RNF26: variants seen among roughly 807,000 people sequenced by gnomAD.
RNF26 encodes ring finger protein 26.
RNF26 carries 8 observed loss-of-function variants against 25.4 expected under a neutral mutation model. That is an observed-to-expected ratio of 0.31 (90% CI 0.18 to 0.57). The LOEUF is 0.57. Ranked by LOEUF, RNF26 falls within the 20% of genes least tolerant of loss-of-function variation. RNF26 has a pLI of 0.90. For synonymous variants in RNF26, 262 were observed against 246.7 expected (o/e 1.06, Z -0.58); for missense variants, 470 against 552.0 (o/e 0.85, Z 1.49).
chr11:119,336,028 C>T lies in RNF26; in HGVS notation c.906C>T (p.Asn302=), dbSNP rs771972535. Residue 302 remains asparagine (N), a synonymous_variant, in exon 1 of 1, where the codon AAC becomes AAT. Coordinates refer to ENST00000311413, the MANE Select transcript of RNF26 (RefSeq NM_032015.5). ...GTCTGCAGCTGGCGAGTTGGCCAAA[C>T]CGGGGAGGGGCACCTGGAGCTCCCC... is the stretch of plus-strand genomic sequence containing the variant. ...SRSLQLASWP[N]RGGAPGAPQG... 1.2e-5 allele frequency: 19 copies of T among 1,613,546 alleles called. No homozygotes were observed. Among genetic ancestry groups the T allele is most frequent in the Non-Finnish European group, 1.5e-5 (18 of 1,180,006 alleles).
Position 119,336,415 on chromosome 11 carries a change from C to T in RNF26, c.1293C>T (p.Val431=). The T allele has an allele frequency of 5.0e-6, 8 of 1,609,062 alleles. No homozygotes were observed. Among genetic ancestry groups the T allele is most frequent in the Non-Finnish European group, 6.8e-6 (8 of 1,178,496 alleles). ...CRRGILQTLN[V]YL ...GGGGCATCCTGCAGACCCTCAATGTCTACCTCTGAAGCCTCCTTCCCTGCC... is the reference window on the plus strand; with the variant it reads ...GGGGCATCCTGCAGACCCTCAATGTTTACCTCTGAAGCCTCCTTCCCTGCC... Residue 431 remains valine (V), a synonymous_variant, in exon 1 of 1, where the codon GTC becomes GTT. Coordinates refer to ENST00000311413, the MANE Select transcript of RNF26 (RefSeq NM_032015.5).
At position 119,336,613 on chromosome 11, in the gene RNF26, T is replaced by C; in HGVS notation, c.*189T>C. ...GGGGCAGGATAACATGGCTTCTCTT[T>C]ACCCAGTGGGTCCCTTCGATGCTGA... On this transcript the variant is annotated 3_prime_UTR_variant, in exon 1 of 1. Coordinates refer to ENST00000311413, the MANE Select transcript of RNF26 (RefSeq NM_032015.5). The C allele has an allele frequency of 1.6e-6, 1 of 619,236 alleles. No individual in the cohort carries two copies. Among genetic ancestry groups the C allele is most frequent in the South Asian group, 2.0e-5 (1 of 50,092 alleles). The allele number at this position is 619,236 out of a possible 1,614,324, so 38.4% of individuals were successfully genotyped here.
Position 119,336,866 on chromosome 11 carries a change from C to T in RNF26, c.*442C>T, listed in dbSNP as rs903184637. The T allele has an allele frequency of 2.5e-5, 5 of 198,562 alleles. No individual in the cohort carries two copies. The highest frequency in any genetic ancestry group is 7.1e-5 in the African/African-American group (3 of 42,550). The allele number at this position is 198,562 out of a possible 1,614,324, so 12.3% of individuals were successfully genotyped here. A position where few individuals can be genotyped will look rare whatever the true frequency, so the allele number is the denominator to read the frequency against. ...GGTGTTTTGGCAACTCAGGGGCCTT[C>T]GGATGATCTTAAACCTTTGTGTTCA... On this transcript the variant is annotated 3_prime_UTR_variant, in exon 1 of 1. Coordinates refer to ENST00000311413, the MANE Select transcript of RNF26 (RefSeq NM_032015.5).
chr11:119,336,042 C>A lies in RNF26; in HGVS notation c.920C>A (p.Pro307His), dbSNP rs758034366. 29 of 1,613,852 alleles carry A rather than the reference C, an allele frequency of 1.8e-5. No individual in the cohort carries two copies. The highest frequency in any genetic ancestry group is 2.3e-5 in the Non-Finnish European group (27 of 1,180,018). Residue 307 changes from proline to histidine, a missense_variant, in exon 1 of 1, where the codon CCT becomes CAT. Transcript: ENST00000311413. ...AGTTGGCCAAACCGGGGAGGGGCAC[C>A]TGGAGCTCCCCAGGGTGACCCTATG... ...LASWPNRGGA[P>H]GAPQGDPMRV...
In RNF26 at chr11:119,336,088, C is replaced by T; in HGVS notation, c.966C>T (p.Thr322=). 1 of 1,614,072 alleles carries T rather than the reference C, an allele frequency of 6.2e-7. No individual in the cohort carries two copies. Among genetic ancestry groups the T allele is most frequent in the Non-Finnish European group, 8.5e-7 (1 of 1,180,024 alleles). The change falls in exon 1 of 1, where the codon ACC becomes ACT. Residue 322 remains threonine, a synonymous_variant. Coordinates refer to ENST00000311413, the MANE Select transcript of RNF26 (RefSeq NM_032015.5). ...CTATGAGGGTATTCTCAGTTAGGAC[C>T]CGGAGACAGGACACTCTTCCTGAAG... ...GDPMRVFSVR[T]RRQDTLPEAG... is the part of the protein sequence containing the mutation.
At position 119,335,850 on chromosome 11, in the gene RNF26, CTG is replaced by C; in HGVS notation, c.732_733del (p.Leu245AlafsTer68). ...GCTTGTGTGCTGGCAGTGACGGTGA[CTG>C]TGTTGCATCCGGACTTCACCCTGAG... On this transcript the variant is annotated frameshift_variant, in exon 1 of 1. Transcript: ENST00000311413. LOFTEE classifies it high-confidence loss of function. 2 of 1,610,668 alleles carry C rather than the reference CTG, an allele frequency of 1.2e-6. No homozygotes were observed. The highest frequency in any genetic ancestry group is 1.1e-5 in the South Asian group (1 of 91,088).
Position 119,335,565 on chromosome 11 carries a change from T to C in RNF26, c.443T>C (p.Ile148Thr). Residue 148 changes from isoleucine (I) to threonine (T), a missense_variant, in exon 1 of 1, where the codon ATC (isoleucine) becomes ACC (threonine). Ile to Thr is a moderately conservative substitution (Grantham distance 89). Coordinates refer to ENST00000311413, the MANE Select transcript of RNF26 (RefSeq NM_032015.5). Reference sequence around the variant, plus strand: ...GCCATGAGCCTGGTGGCTTATGTGATCAACAGCCTGGTCAACATCTGCCTC... The same window carrying C: ...GCCATGAGCCTGGTGGCTTATGTGACCAACAGCCTGGTCAACATCTGCCTC... Reference protein sequence around the residue: ...AIAMSLVAYVINSLVNICLIG... With the variant: ...AIAMSLVAYVTNSLVNICLIG... 1 of 1,613,934 alleles carries C rather than the reference T, an allele frequency of 6.2e-7. No homozygotes were observed. Among genetic ancestry groups the C allele is most frequent in the Non-Finnish European group, 8.5e-7 (1 of 1,179,850 alleles).
rs553804434 is a variant in RNF26, at chr11:119,336,176, G to C, written c.1054G>C (p.Gly352Arg). ...GACCATCAGAGTGACACCTGTCAGG[G>C]GCCGAGAGAGGCTCAATGAGGAGGA... ...ARTIRVTPVR[G>R]RERLNEEEPP... Residue 352 changes from glycine (G) to arginine (R), a missense_variant, in exon 1 of 1, where the codon GGC becomes CGC. Transcript: ENST00000311413. 1.2e-6 allele frequency: 2 copies of C among 1,614,154 alleles called. No homozygotes were observed. The highest frequency in any genetic ancestry group is 2.2e-5 in the South Asian group (2 of 91,082).
At position 119,334,908 on chromosome 11, in the gene RNF26, C is replaced by A; in HGVS notation, c.-215C>A. 1 of 593,302 alleles carries A rather than the reference C, an allele frequency of 1.7e-6. No homozygotes were observed. The highest frequency in any genetic ancestry group is 3.0e-6 in the Non-Finnish European group (1 of 334,470). 36.8% of individuals were successfully genotyped at this position (593,302 alleles called of 1,614,324 possible). On this transcript the variant is annotated 5_prime_UTR_variant, in exon 1 of 1. The change creates a new upstream start codon in the 5' untranslated region. Coordinates refer to ENST00000311413, the MANE Select transcript of RNF26 (RefSeq NM_032015.5). ...CTCCCAAACAGCCCATCTTCAAAAC[C>A]TGGACTCTTGGACTGGCACCTGGCC... is the stretch of plus-strand genomic sequence containing the variant.
chr11:119,334,995 C>T lies in RNF26; in HGVS notation c.-128C>T. 1.5e-6 allele frequency: 1 copy of T among 680,444 alleles called. No homozygotes were observed. Among genetic ancestry groups the T allele is most frequent in the Non-Finnish European group, 2.5e-6 (1 of 399,698 alleles). The allele number at this position is 680,444 out of a possible 1,614,324, so 42.2% of individuals were successfully genotyped here. A position where few individuals can be genotyped will look rare whatever the true frequency, so the allele number is the denominator to read the frequency against. ...CCACTTCTTCCTCAGATTCTTGGTACCCCCTGGGTTGGAGACTGCTCATTT... is the reference window on the plus strand; with the variant it reads ...CCACTTCTTCCTCAGATTCTTGGTATCCCCTGGGTTGGAGACTGCTCATTT... On this transcript the variant is annotated 5_prime_UTR_variant, in exon 1 of 1. Transcript: ENST00000311413.
At position 119,336,585 on chromosome 11, in the gene RNF26, G is replaced by A. The variant is rs1950443418; in HGVS notation, c.*161G>A. 3.0e-6 allele frequency: 2 copies of A among 660,734 alleles called. No individual in the cohort carries two copies. The highest frequency in any genetic ancestry group is 2.9e-5 in the Admixed American group (1 of 34,272). 40.9% of individuals were successfully genotyped at this position (660,734 alleles called of 1,614,324 possible). The stretch of plus-strand genomic sequence containing the variant: ...ATTGAGTTGGAAGACTATGATCTGG[G>A]TGGGGGCAGGATAACATGGCTTCTC... On this transcript the variant is annotated 3_prime_UTR_variant, in exon 1 of 1. Transcript: ENST00000311413.
Position 119,336,540 on chromosome 11 carries a change from T to G in RNF26, c.*116T>G. 1.2e-6 allele frequency: 1 copy of G among 847,506 alleles called. No individual in the cohort carries two copies. The highest frequency in any genetic ancestry group is 1.9e-6 in the Non-Finnish European group (1 of 539,100). The allele number at this position is 847,506 out of a possible 1,614,324, so 52.5% of individuals were successfully genotyped here. On this transcript the variant is annotated 3_prime_UTR_variant, in exon 1 of 1. Coordinates refer to ENST00000311413, the MANE Select transcript of RNF26 (RefSeq NM_032015.5). Reference sequence around the variant, plus strand: ...GAATCCCCTCCTACCCCTGTGGCCATCCTGCCATACATCCAGGACATTGAG... The same window carrying G: ...GAATCCCCTCCTACCCCTGTGGCCAGCCTGCCATACATCCAGGACATTGAG...
rs1206918802 is a variant in RNF26, at chr11:119,334,639, G to T, written c.-484G>T. Reference sequence around the variant, plus strand: ...AAGCGCCGCTAGCGGGAAGACGGGGGCCGGGCGGGGACAGGGGCACCTGCG... The same window carrying T: ...AAGCGCCGCTAGCGGGAAGACGGGGTCCGGGCGGGGACAGGGGCACCTGCG... On this transcript the variant is annotated 5_prime_UTR_variant, in exon 1 of 1. Coordinates refer to ENST00000311413, the MANE Select transcript of RNF26 (RefSeq NM_032015.5). The T allele has an allele frequency of 6.0e-6, 1 of 166,550 alleles. No homozygotes were observed. The highest frequency in any genetic ancestry group is 1.3e-5 in the Non-Finnish European group (1 of 74,892). The allele number at this position is 166,550 out of a possible 1,614,324, so 10.3% of individuals were successfully genotyped here. A position where few individuals can be genotyped will look rare whatever the true frequency, so the allele number is the denominator to read the frequency against.
chr11:119,334,825 C>G lies in RNF26; in HGVS notation c.-298C>G, dbSNP rs1210024735. On this transcript the variant is annotated 5_prime_UTR_variant, in exon 1 of 1. Transcript: ENST00000311413. ...GGTTCGCCACACCAGGCATCCAAAG[C>G]TGAGGTCGCTCCTACGGCCTGGGCT... 1 of 454,858 alleles carries G rather than the reference C, an allele frequency of 2.2e-6. No homozygotes were observed. The highest frequency in any genetic ancestry group is 4.0e-6 in the Non-Finnish European group (1 of 251,806). The allele number at this position is 454,858 out of a possible 1,614,324, so 28.2% of individuals were successfully genotyped here.
At position 119,336,721 on chromosome 11, in the gene RNF26, T is replaced by G; in HGVS notation, c.*297T>G. On this transcript the variant is annotated 3_prime_UTR_variant, in exon 1 of 1. Transcript: ENST00000311413. ...CCAGCCTGCCCAGGGCCCACCCAGA[T>G]GCCTCTGGGGTTACCCCTGTCTGCT... 4.3e-6 allele frequency: 2 copies of G among 462,692 alleles called. No homozygotes were observed. Among genetic ancestry groups the G allele is most frequent in the Non-Finnish European group, 8.0e-6 (2 of 249,644 alleles). 28.7% of individuals were successfully genotyped at this position (462,692 alleles called of 1,614,324 possible). A position where few individuals can be genotyped will look rare whatever the true frequency, so the allele number is the denominator to read the frequency against.
chr11:119,335,244 C>T lies in RNF26; in HGVS notation c.122C>T (p.Ala41Val). 6.2e-7 allele frequency: 1 copy of T among 1,614,162 alleles called. No homozygotes were observed. Residue 41 changes from alanine to valine, a missense_variant, in exon 1 of 1, where the codon GCC becomes GTC. Ala to Val is a moderately conservative substitution (Grantham distance 64). Transcript: ENST00000311413. The part of the protein sequence containing the change: ...SLLASLAWLL[A>V]FVYNLPHTVL... ...CTGGCTTCCCTGGCCTGGCTCCTGG[C>T]CTTCGTCTACAACCTGCCGCACACG...
chr11:119,336,639 G>C lies in RNF26; in HGVS notation c.*215G>C. ...ACCCAGTGGGTCCCTTCGATGCTGA[G>C]GGTGGTGAGTATGTCACTATGCAAG... On this transcript the variant is annotated 3_prime_UTR_variant, in exon 1 of 1. Transcript: ENST00000311413. 1 of 605,518 alleles carries C rather than the reference G, an allele frequency of 1.7e-6. No individual in the cohort carries two copies. The highest frequency in any genetic ancestry group is 2.0e-5 in the South Asian group (1 of 49,132). 37.5% of individuals were successfully genotyped at this position (605,518 alleles called of 1,614,324 possible).
At position 119,335,881 on chromosome 11, in the gene RNF26, G is replaced by A. The variant is rs1442141136; in HGVS notation, c.759G>A (p.Leu253=). The change falls in exon 1 of 1, where the codon CTG becomes CTA. Residue 253 remains leucine, a synonymous_variant. Coordinates refer to ENST00000311413, the MANE Select transcript of RNF26 (RefSeq NM_032015.5). ...TGCATCCGGACTTCACCCTGAGGCT[G>A]GCTACCCAGGCACTCAGCCAGCTCC... ...TVLHPDFTLR[L]ATQALSQLHA... 2 of 1,609,602 alleles carry A rather than the reference G, an allele frequency of 1.2e-6. No individual in the cohort carries two copies.
In RNF26 at chr11:119,335,489, G is replaced by C. The variant is rs1950435188; in HGVS notation, c.367G>C (p.Val123Leu). Residue 123 changes from valine (V) to leucine (L), a missense_variant, in exon 1 of 1, where the codon GTC becomes CTC. Val to Leu is a conservative substitution (Grantham distance 32). Transcript: ENST00000311413. Reference protein sequence around the residue: ...EILHRGVLNVVSSGHALLRQA... With the variant: ...EILHRGVLNVLSSGHALLRQA... The stretch of plus-strand genomic sequence containing the variant: ...ACTGCACCGGGGCGTCCTCAATGTG[G>C]TCTCCAGTGGCCATGCTTTGCTGCG... The C allele has an allele frequency of 6.2e-7, 1 of 1,613,478 alleles. No homozygotes were observed. Among genetic ancestry groups the C allele is most frequent in the African/African-American group, 1.3e-5 (1 of 74,928 alleles).
Sources: gnomAD v4.1 joint callset for allele counts on GRCh38, gnomAD v4.1.1 for gene constraint, MANE v1.5 for transcripts, NCBI Gene and HGNC (gene_info 2026-07-23, HGNC 2026-07-21) for gene names.